DRC11: variants seen among roughly 807,000 people sequenced by gnomAD.
The protein encoded by DRC11 is IQ and AAA domain-containing protein 1.
At chr2:236,354,281 GTT>G in the DRC11 span, among the ~76,000 whole-genome samples, 2 of 58,484 alleles carry the variant, frequency 3.4e-5, no homozygotes, top group Non-Finnish European at 7.5e-5. Context: ...GTGTGTATGA[GTT>G]TATGTTAGTG....
chr2:236,351,997 G>T, the DRC11 span, among the ~76,000 whole-genome samples: 2 of 152,184 alleles, frequency 1.3e-5, no homozygotes, highest in Non-Finnish European at 2.9e-5. The surrounding 1 kb of genome is among the most constrained non-coding windows in gnomAD (Gnocchi z 7.3). Flanking sequence ...GGCAGTGGAC[G>T]CCTCAAGAAT....
chr2:236,416,759 A>ATATC, the DRC11 span, among the ~76,000 whole-genome samples: 1 of 90,874 alleles, frequency 1.1e-5, no homozygotes, highest in Non-Finnish European at 2.2e-5. Flanking sequence ...ATATATATAT[A>ATATC]TATATATATA....
chr2:236,339,269 TTTA>T, the DRC11 span, among the ~76,000 whole-genome samples: 2 of 152,252 alleles, frequency 1.3e-5, no homozygotes, highest in African/African-American at 4.8e-5. Flanking sequence ...TATTTGTCTT[TTTA>T]TTATTGAGTT....
At chr2:236,438,675 C>G in the DRC11 span, among the ~76,000 whole-genome samples, 9 of 152,096 alleles carry the variant, frequency 5.9e-5, no homozygotes, top group African/African-American at 2.2e-4. Context: ...TGTAAGTTAA[C>G]AAGGATACCC....
At chr2:236,439,937 T>C in the DRC11 span, among the ~76,000 whole-genome samples, 2 of 152,210 alleles carry the variant, frequency 1.3e-5, no homozygotes, top group South Asian at 2.1e-4. Context: ...ATTGAGCACT[T>C]ACTATGCACT....
At chr2:236,438,683 C>A in the DRC11 span, among the ~76,000 whole-genome samples, 1 of 151,984 alleles carries the variant, frequency 6.6e-6, no homozygotes, top group South Asian at 2.1e-4. Context: ...AACAAGGATA[C>A]CCAGGAATTG....
At chr2:236,315,371 G>A in the DRC11 span, among the ~76,000 whole-genome samples, 5 of 152,134 alleles carry the variant, frequency 3.3e-5, no homozygotes, top group South Asian at 1.0e-3. This position sits in a 1 kb window ranked among gnomAD's most constrained non-coding sequence, Gnocchi z 5.1. Flanking sequence ...CTTCTGAAAA[G>A]GGGAGAAATA....
At chr2:236,361,619 G>A in the DRC11 span, among the ~76,000 whole-genome samples, 2 of 151,994 alleles carry the variant, frequency 1.3e-5, no homozygotes, top group Non-Finnish European at 2.9e-5. The surrounding 1 kb of genome is among the most constrained non-coding windows in gnomAD (Gnocchi z 5.7). Context: ...ACTGTGATAA[G>A]AATGACTACA....
the DRC11 span, among the ~76,000 whole-genome samples, chr2:236,415,624 T>C: frequency 1.3e-5 from 2 of 152,214 alleles, no homozygotes. This position sits in a 1 kb window ranked among gnomAD's most constrained non-coding sequence, Gnocchi z 5.7. Flanking sequence ...AAAAACTTCA[T>C]TTCTGATTCT....
At chr2:236,411,539 T>C in the DRC11 span, among the ~76,000 whole-genome samples, 2 of 152,220 alleles carry the variant, frequency 1.3e-5, no homozygotes, top group East Asian at 3.9e-4. Flanking sequence ...AGCCATCCCA[T>C]TACTGGGTAT....
chr2:236,356,969 T>TTATATATATTCATATATTATATATCTATA, the DRC11 span, among the ~76,000 whole-genome samples: 12 of 88,914 alleles, frequency 1.3e-4, no homozygotes, highest in African/African-American at 5.0e-4. Flanking sequence ...AATATATATA[T>TTATATATATTCATATATTATATATCTATA]TATATATTCA....
the DRC11 span, among the ~76,000 whole-genome samples, chr2:236,311,784 A>G: frequency 1.6e-4 from 25 of 151,580 alleles, no homozygotes; most frequent in African/African-American, 5.8e-4. This position sits in a 1 kb window ranked among gnomAD's most constrained non-coding sequence, Gnocchi z 6.9. Flanking sequence ...AGACAAGCTC[A>G]TGCCTGGACA....
the DRC11 span, among the ~76,000 whole-genome samples, chr2:236,459,535 G>GTATATATGTGTATACGTACGTA: frequency 2.8e-5 from 3 of 106,286 alleles, no homozygotes; most frequent in Non-Finnish European, 6.0e-5. Flanking sequence ...ACATGTATAC[G>GTATATATGTGTATACGTACGTA]TATACGTATA....
the DRC11 span, among the ~76,000 whole-genome samples, chr2:236,428,808 C>T: frequency 6.6e-6 from 1 of 152,156 alleles, no homozygotes; most frequent in Non-Finnish European, 1.5e-5. Flanking sequence ...ATCCTTCTTT[C>T]ATTTTGTTCT....
the DRC11 span, among the ~76,000 whole-genome samples, chr2:236,501,965 A>G: frequency 6.6e-6 from 1 of 152,196 alleles, no homozygotes; most frequent in Admixed American, 6.5e-5. Flanking sequence ...AACTCCAGAC[A>G]GCAACAGTCC....
At chr2:236,404,187 A>AAAAAG in the DRC11 span, among the ~76,000 whole-genome samples, 5 of 151,740 alleles carry the variant, frequency 3.3e-5, no homozygotes, top group East Asian at 9.6e-4. Flanking sequence ...AAAGAAAAAG[A>AAAAAG]AAAAGAAAAG....
chr2:236,368,740 T>C, the DRC11 span: 1 of 161,538 alleles, frequency 6.2e-6, no homozygotes, highest in African/African-American at 2.4e-5. Flanking sequence ...AGAATTTGTA[T>C]TGGAGCAGTG....
chr2:236,405,884 C>T, the DRC11 span, among the ~76,000 whole-genome samples: 1 of 152,180 alleles, frequency 6.6e-6, no homozygotes, highest in East Asian at 1.9e-4. This position sits in a 1 kb window ranked among gnomAD's most constrained non-coding sequence, Gnocchi z 4.6. Context: ...AGACTTCATT[C>T]ACACTGCGAA....
chr2:236,343,607 G>A, the DRC11 span: 2 of 709,628 alleles, frequency 2.8e-6, no homozygotes, highest in Non-Finnish European at 4.5e-6. This position sits in a 1 kb window ranked among gnomAD's most constrained non-coding sequence, Gnocchi z 6.6. Context: ...ATAACTCCAG[G>A]TGTGTGACAC....
Sources: gnomAD v4.1 joint callset for allele counts (sites outside exome capture counted in the v4.1 genomes callset) on GRCh38, gnomAD v4.1.1 for gene constraint, Gnocchi (gnomAD v3.1) non-coding constraint, MANE v1.5 for transcripts, NCBI Gene and HGNC (gene_info 2026-07-23, HGNC 2026-07-21) for gene names.